LIN9: variants seen among roughly 807,000 people sequenced by gnomAD.
LIN9 encodes the protein protein lin-9 homolog.
In LIN9, 18 loss-of-function variants were observed where a neutral mutation model predicts 78.0. The observed-to-expected ratio is 0.23, with a 90% CI of 0.16 to 0.34. The LOEUF is 0.34. Among genes scored for constraint, LIN9 ranks in the 10% least tolerant of loss-of-function variants. The pLI is 1.00. For synonymous variants in LIN9, 192 were observed against 215.2 expected, an observed-to-expected ratio of 0.89 and a Z score of 0.94; for missense variants, 451 against 644.1, an observed-to-expected ratio of 0.70 and a Z score of 3.25.
At chr1:226,258,586 T>A (rs549150280) in intron 10 of LIN9, among the ~76,000 whole-genome samples, 1 of 149,968 alleles carries the variant, frequency 6.7e-6, no homozygotes, top group Admixed American at 6.7e-5. Flanking sequence ...AGAAAAGGTG[T>A]CAGGAATAAA....
At chr1:226,276,859 C>T (rs114730875) in intron 7 of LIN9, among the ~76,000 whole-genome samples, 207 of 152,140 alleles carry the variant, frequency 1.4e-3, no homozygotes, top group African/African-American at 4.7e-3. Context: ...ATCTATAAAA[C>T]GGACAAAATT....
intron 1 of LIN9, among the ~76,000 whole-genome samples, chr1:226,301,821 G>A (rs765459410): frequency 2.5e-4 from 38 of 152,248 alleles, no homozygotes; most frequent in Non-Finnish European, 4.7e-4. Context: ...TAATCCCAGT[G>A]CTTTGGAAGG....
chr1:226,292,131 T>C (rs1003478054), intron 4 of LIN9, among the ~76,000 whole-genome samples: 37 of 152,166 alleles, frequency 2.4e-4, no homozygotes, highest in African/African-American at 8.9e-4. Context: ...CTGTTGGGTA[T>C]GGGAAAATAG....
At chr1:226,233,790 G>C (rs1657509946) in intron 12 of LIN9, among the ~76,000 whole-genome samples, 1 of 152,074 alleles carries the variant, frequency 6.6e-6, no homozygotes, top group East Asian at 1.9e-4. Flanking sequence ...CAGATTTACT[G>C]TTTATGTTTT....
At chr1:226,306,659 G>A (rs756784073) in intron 1 of LIN9, among the ~76,000 whole-genome samples, 17 of 152,072 alleles carry the variant, frequency 1.1e-4, no homozygotes, top group Non-Finnish European at 2.5e-4. Context: ...ATGGCATCTG[G>A]TTCATAGTAA....
intron 2 of LIN9, among the ~76,000 whole-genome samples, chr1:226,299,144 G>C (rs919704954): frequency 2.6e-5 from 4 of 152,076 alleles, no homozygotes; most frequent in Non-Finnish European, 5.9e-5. Context: ...TTTTCTTCTA[G>C]TGGCTCATCA....
chr1:226,268,205 T>G, intron 7 of LIN9, 115 bp from the exon 8 acceptor site: 1 of 926,656 alleles, frequency 1.1e-6, no homozygotes, highest in Non-Finnish European at 1.5e-6. Flanking sequence ...TATTAGAGTT[T>G]CAAAACAAGC....
At chr1:226,266,486 ATATTAGTC>A (rs1245408504) in intron 8 of LIN9, among the ~76,000 whole-genome samples, 154 bp from the exon 9 acceptor site, 19 of 151,872 alleles carry the variant, frequency 1.3e-4, no homozygotes, top group Middle Eastern at 6.8e-3. Flanking sequence ...ATAGAGTAGC[ATATTAGTC>A]TATACAGATC....
chr1:226,245,711 C>T (rs541003131), intron 11 of LIN9, among the ~76,000 whole-genome samples: 32 of 152,138 alleles, frequency 2.1e-4, no homozygotes, highest in African/African-American at 7.7e-4. Flanking sequence ...GATTCTCCTG[C>T]CTCAGCCTCC....
At chr1:226,263,714 TA>T in intron 10 of LIN9, among the ~76,000 whole-genome samples, 1 of 152,318 alleles carries the variant, frequency 6.6e-6, no homozygotes, top group Middle Eastern at 3.4e-3. Context: ...ATCTTTCATA[TA>T]AAATATCCAT....
At chr1:226,295,735 TAAAGA>T in intron 4 of LIN9, 102 bp downstream of exon 4, 1 of 664,358 alleles carries the variant, frequency 1.5e-6, no homozygotes, top group South Asian at 2.3e-5. Flanking sequence ...CGTACGAATT[TAAAGA>T]AAAGAACTTG....
At chr1:226,300,837 CAG>C (rs1356155076) in intron 2 of LIN9, among the ~76,000 whole-genome samples, 7 of 152,154 alleles carry the variant, frequency 4.6e-5, no homozygotes, top group Non-Finnish European at 1.0e-4. Flanking sequence ...GCCTGGGCAA[CAG>C]AGAGAGACTG....
At position 226,265,586 on chromosome 1, in the gene LIN9, C is replaced by G; in HGVS notation, c.985G>C (p.Gly329Arg). 1 of 1,612,368 alleles carries G rather than the reference C, an allele frequency of 6.2e-7. No homozygotes were observed. Among genetic ancestry groups the G allele is most frequent in the Non-Finnish European group, 8.5e-7 (1 of 1,178,614 alleles). ...CCACCTAATGTTTCAGTGTCAGAGC[C>G]AGAAATTTTACTTCTCCACGGCGAC... Reference protein sequence around the residue: ...GQSPWRSKISGSDTETLGGFP... With the variant: ...GQSPWRSKISRSDTETLGGFP... Residue 329 changes from glycine to arginine, a missense_variant, in exon 10 of 15, where the codon GGC becomes CGC. By Grantham distance (125) the Gly-to-Arg change is moderately radical. Coordinates refer to ENST00000681046, the MANE Select transcript of LIN9 (RefSeq NM_001366245.2). The surrounding 1 kb of genome is among the most constrained non-coding windows in gnomAD (Gnocchi z 4.1).
intron 4 of LIN9, among the ~76,000 whole-genome samples, chr1:226,289,836 G>GAGT (rs1553283377): frequency 3.1e-5 from 1 of 32,452 alleles, no homozygotes; most frequent in Non-Finnish European, 1.1e-4. Context: ...TAGTCCTCCG[G>GAGT]GGGGGGGGGT....
At chr1:226,267,231 A>ATATAT (rs1491349220) in intron 8 of LIN9, among the ~76,000 whole-genome samples, 4 of 9,466 alleles carry the variant, frequency 4.2e-4, no homozygotes, top group Admixed American at 1.1e-3. Context: ...CACTAAGGAG[A>ATATAT]TATATATATA....
intron 12 of LIN9, among the ~76,000 whole-genome samples, chr1:226,234,415 A>AT (rs1313461333): frequency 7.2e-5 from 11 of 152,214 alleles, no homozygotes; most frequent in African/African-American, 1.7e-4. Flanking sequence ...CCATACTGAC[A>AT]TAACTTTTAT....
At chr1:226,305,472 A>C (rs1489716095) in intron 1 of LIN9, among the ~76,000 whole-genome samples, 1 of 152,122 alleles carries the variant, frequency 6.6e-6, no homozygotes, top group Non-Finnish European at 1.5e-5. Context: ...CAGTCTACAC[A>C]ACAGAGGGAG....
intron 3 of LIN9, among the ~76,000 whole-genome samples, chr1:226,297,406 C>T (rs1474312496): frequency 6.6e-6 from 1 of 152,038 alleles, no homozygotes; most frequent in Non-Finnish European, 1.5e-5. Context: ...TACCTTACCA[C>T]ATATATATAT....
chr1:226,268,844 G>A (rs905872954), intron 7 of LIN9, among the ~76,000 whole-genome samples: 13 of 152,202 alleles, frequency 8.5e-5, no homozygotes, highest in South Asian at 2.1e-4. Context: ...AAACTTGCAC[G>A]TGGTTTCCTC....
Sources: gnomAD v4.1 joint callset for allele counts (sites outside exome capture counted in the v4.1 genomes callset) on GRCh38, gnomAD v4.1.1 for gene constraint, Gnocchi (gnomAD v3.1) non-coding constraint, MANE v1.5 for transcripts, NCBI Gene and HGNC (gene_info 2026-07-23, HGNC 2026-07-21) for gene names.